Variants in PLCXD3 observed in about 807,000 individuals in gnomAD.
PLCXD3 encodes the protein PI-PLC X domain-containing protein 3.
Under a neutral mutation model 25.5 loss-of-function variants are expected in PLCXD3, and 19 were observed. That is an observed-to-expected ratio of 0.75 (90% CI 0.52 to 1.09). The LOEUF (loss-of-function observed/expected upper bound fraction) is 1.09, where lower values mean the gene tolerates loss of function less well. PLCXD3 is among the 50% of genes least tolerant of loss of function. The pLI is 0.00. For synonymous variants in PLCXD3, 174 were observed against 137.6 expected, an observed-to-expected ratio of 1.26 and a Z score of -1.85; for missense variants, 411 against 388.1, an observed-to-expected ratio of 1.06 and a Z score of -0.50.
At chr5:41,422,612 T>C (rs546113932) in intron 1 of PLCXD3, among the ~76,000 whole-genome samples, 7 of 152,340 alleles carry the variant, frequency 4.6e-5, no homozygotes, top group African/African-American at 1.7e-4. Flanking sequence ...ATCTTTATGA[T>C]ATTGACTCCT....
At chr5:41,404,220 C>T (rs1451542114) in intron 1 of PLCXD3, among the ~76,000 whole-genome samples, 1 of 152,106 alleles carries the variant, frequency 6.6e-6, no homozygotes, top group Non-Finnish European at 1.5e-5. Flanking sequence ...AACCTTCTAG[C>T]TCCAGTTTTC....
chr5:41,324,771 T>C (rs1254671290), intron 2 of PLCXD3, among the ~76,000 whole-genome samples: 1 of 152,194 alleles, frequency 6.6e-6, no homozygotes, highest in African/African-American at 2.4e-5. Flanking sequence ...AGAAGACCAA[T>C]GCTCTTTGGA....
intron 2 of PLCXD3, among the ~76,000 whole-genome samples, chr5:41,347,468 A>G (rs549594759): frequency 3.3e-5 from 5 of 152,296 alleles, no homozygotes; most frequent in East Asian, 3.9e-4. Flanking sequence ...ACAGCACCTC[A>G]ACACCTTATA....
chr5:41,500,624 G>A (rs556572495), intron 1 of PLCXD3, among the ~76,000 whole-genome samples: 1 of 151,598 alleles, frequency 6.6e-6, no homozygotes, highest in South Asian at 2.1e-4. Context: ...AAAACTCCTG[G>A]AAGAAAATGT....
chr5:41,396,044 G>A (rs1029415427), intron 1 of PLCXD3, among the ~76,000 whole-genome samples: 1 of 150,782 alleles, frequency 6.6e-6, no homozygotes, highest in Non-Finnish European at 1.5e-5. Flanking sequence ...CACAAGTACA[G>A]GCCAATATCT....
chr5:41,505,426 T>A (rs1366542205), intron 1 of PLCXD3, among the ~76,000 whole-genome samples: 1 of 151,842 alleles, frequency 6.6e-6, no homozygotes. Flanking sequence ...TTACCTTTGA[T>A]GTTGATGCTT....
Position 41,382,111 on chromosome 5 carries a change from G to A in PLCXD3, c.527C>T (p.Ala176Val), listed in dbSNP as rs1745481781. 6.2e-7 allele frequency: 1 copy of A among 1,613,598 alleles called. No homozygotes were observed. Among genetic ancestry groups the A allele is most frequent in the Non-Finnish European group, 8.5e-7 (1 of 1,179,722 alleles). ...CAGGTACTTTAAACTAACTTCCTGG[G>A]CAAAAATCGCTGGGCACATTTTATT... is the stretch of plus-strand genomic sequence containing the variant. ...YGNKMCPAIF[A>V]QEVSLKYLWE... Residue 176 changes from alanine (A) to valine (V), a missense_variant, in exon 2 of 3, where the codon GCC (alanine) becomes GTC (valine). Ala to Val is a moderately conservative substitution (Grantham distance 64, BLOSUM62 0). Transcript: ENST00000377801.
At chr5:41,473,562 C>T (rs1748217361) in intron 1 of PLCXD3, among the ~76,000 whole-genome samples, 1 of 152,076 alleles carries the variant, frequency 6.6e-6, no homozygotes. Flanking sequence ...CCTGCCTCAG[C>T]CTCCCGAGTA....
At chr5:41,367,345 G>A (rs1010027690) in intron 2 of PLCXD3, among the ~76,000 whole-genome samples, 2 of 152,272 alleles carry the variant, frequency 1.3e-5, no homozygotes, top group African/African-American at 4.8e-5. Context: ...ACTGGCATGA[G>A]ATGGTATCTC....
At chr5:41,458,103 C>A (rs1470905382) in intron 1 of PLCXD3, among the ~76,000 whole-genome samples, 1 of 151,772 alleles carries the variant, frequency 6.6e-6, no homozygotes, top group Non-Finnish European at 1.5e-5. Context: ...CAGTGTTTAA[C>A]CTGCATGTGT....
At chr5:41,416,205 T>A (rs1746688069) in intron 1 of PLCXD3, among the ~76,000 whole-genome samples, 1 of 152,192 alleles carries the variant, frequency 6.6e-6, no homozygotes, top group Admixed American at 6.5e-5. Flanking sequence ...CCTATAATAG[T>A]TACCCTTCTG....
intron 1 of PLCXD3, among the ~76,000 whole-genome samples, chr5:41,434,055 C>G (rs1243454809): frequency 2.6e-5 from 4 of 152,224 alleles, no homozygotes; most frequent in Admixed American, 6.5e-5. Flanking sequence ...CCATTCACTT[C>G]TAACCCACTG....
intron 1 of PLCXD3, among the ~76,000 whole-genome samples, chr5:41,471,833 C>CT (rs1748168403): frequency 1.8e-4 from 1 of 5,504 alleles, no homozygotes; most frequent in African/African-American, 5.3e-4. Flanking sequence ...CTCCCCTCCC[C>CT]TCCCCTCCCC....
At chr5:41,465,662 A>G (rs1028443004) in intron 1 of PLCXD3, among the ~76,000 whole-genome samples, 2 of 151,888 alleles carry the variant, frequency 1.3e-5, no homozygotes, top group Non-Finnish European at 2.9e-5. Flanking sequence ...GAGATCTCCA[A>G]CTACTGCATA....
chr5:41,435,185 A>G (rs577449696), intron 1 of PLCXD3, among the ~76,000 whole-genome samples: 1 of 152,286 alleles, frequency 6.6e-6, no homozygotes, highest in East Asian at 1.9e-4. Flanking sequence ...CACTTGTTCA[A>G]TATGCCCTGG....
At chr5:41,354,088 G>A (rs1444939179) in intron 2 of PLCXD3, among the ~76,000 whole-genome samples, 1 of 151,826 alleles carries the variant, frequency 6.6e-6, no homozygotes, top group Non-Finnish European at 1.5e-5. Context: ...CTTTTCTTCT[G>A]CCCAAGCCTA....
chr5:41,423,966 G>C (rs1232124492), intron 1 of PLCXD3, among the ~76,000 whole-genome samples: 1 of 152,098 alleles, frequency 6.6e-6, no homozygotes, highest in Non-Finnish European at 1.5e-5. Context: ...TGTTTTGTGA[G>C]AATACTTAAG....
chr5:41,368,461 T>A (rs1266300728), intron 2 of PLCXD3, among the ~76,000 whole-genome samples: 1 of 152,218 alleles, frequency 6.6e-6, no homozygotes, highest in Non-Finnish European at 1.5e-5. Context: ...TTTCTAGATA[T>A]AGGATTATGC....
intron 2 of PLCXD3, among the ~76,000 whole-genome samples, chr5:41,372,727 A>G (rs1445177923): frequency 6.6e-6 from 1 of 151,872 alleles, no homozygotes; most frequent in Non-Finnish European, 1.5e-5. Context: ...TCTTGACCAA[A>G]AGGACCCCAG....
Sources: gnomAD v4.1 joint callset for allele counts (sites outside exome capture counted in the v4.1 genomes callset) on GRCh38, gnomAD v4.1.1 for gene constraint, MANE v1.5 for transcripts, NCBI Gene and HGNC (gene_info 2026-07-23, HGNC 2026-07-21) for gene names.